STPG4: variants seen among roughly 807,000 people sequenced by gnomAD.
STPG4 encodes the protein protein STPG4.
In STPG4, 41 loss-of-function variants were observed where a neutral mutation model predicts 31.5. That is an observed-to-expected ratio of 1.30 (90% CI 1.01 to 1.69). STPG4 has a LOEUF of 1.69. Among genes scored for constraint, STPG4 ranks in the 40% most tolerant of loss-of-function variants. STPG4 has a pLI of 0.00. For synonymous variants in STPG4, 141 were observed against 103.0 expected (o/e 1.37, Z -2.24); for missense variants, 375 against 293.4 (o/e 1.28, Z -2.03).
At chr2:47,129,733 T>C in intron 5 of STPG4, 1 of 549,706 alleles carries the variant, frequency 1.8e-6, no homozygotes, top group Non-Finnish European at 3.1e-6. Context: ...CTTGATACAA[T>C]GTTAAAACCT....
intron 5 of STPG4, among the ~76,000 whole-genome samples, chr2:47,123,450 T>G (rs573539290): frequency 6.6e-6 from 1 of 152,232 alleles, no homozygotes; most frequent in Admixed American, 6.5e-5. Flanking sequence ...TACGTTCTAG[T>G]GAGGGGGAAA....
intron 5 of STPG4, chr2:47,108,565 C>A: frequency 5.8e-6 from 1 of 172,854 alleles, no homozygotes; most frequent in South Asian, 1.8e-4. Context: ...GACCAAGAAC[C>A]CACCAATTCC....
intron 3 of STPG4, among the ~76,000 whole-genome samples, chr2:47,148,034 C>T (rs1428774697): frequency 1.3e-5 from 2 of 151,842 alleles, no homozygotes; most frequent in South Asian, 2.1e-4. Flanking sequence ...TCACTGTACC[C>T]TCTACCTCCC....
chr2:47,090,107 C>G (rs1222078067), intron 6 of STPG4, among the ~76,000 whole-genome samples, 163 bp downstream of exon 6: 1 of 152,192 alleles, frequency 6.6e-6, no homozygotes, highest in Non-Finnish European at 1.5e-5. Context: ...GATTTCACTC[C>G]TGATTGCCTT....
chr2:47,087,579 C>A (rs999948188), intron 6 of STPG4, among the ~76,000 whole-genome samples: 6 of 152,182 alleles, frequency 3.9e-5, no homozygotes, highest in African/African-American at 1.4e-4. Context: ...CAAATCGCCT[C>A]TCAAACTCGG....
chr2:47,088,665 G>A (rs976443953), intron 6 of STPG4, among the ~76,000 whole-genome samples: 1 of 152,124 alleles, frequency 6.6e-6, no homozygotes, highest in African/African-American at 2.4e-5. Flanking sequence ...ACCCTGCCCT[G>A]CAGTTTCTTA....
At chr2:47,143,646 C>T (rs975606683) in intron 3 of STPG4, among the ~76,000 whole-genome samples, 5 of 152,038 alleles carry the variant, frequency 3.3e-5, no homozygotes, top group Non-Finnish European at 5.9e-5. Flanking sequence ...CCACCACGCC[C>T]GGCTAATTTT....
intron 5 of STPG4, among the ~76,000 whole-genome samples, chr2:47,104,856 C>G (rs1021756402): frequency 1.3e-5 from 2 of 151,964 alleles, no homozygotes; most frequent in African/African-American, 2.4e-5. Flanking sequence ...AATATCTAGG[C>G]CGAATCTTAG....
intron 6 of STPG4, among the ~76,000 whole-genome samples, chr2:47,087,779 C>T (rs1041639804): frequency 2.6e-5 from 4 of 152,094 alleles, no homozygotes; most frequent in Non-Finnish European, 4.4e-5. Context: ...GACAGAGTCT[C>T]GCCCTGTTGC....
At chr2:47,087,184 A>AG in intron 6 of STPG4, 54 bp from the exon 7 acceptor site, 1 of 1,544,216 alleles carries the variant, frequency 6.5e-7, no homozygotes, top group Non-Finnish European at 8.8e-7. Flanking sequence ...CAAAACCCTG[A>AG]GGCTCCTGTG....
chr2:47,127,736 T>G (rs930330560), intron 5 of STPG4, among the ~76,000 whole-genome samples: 1 of 152,238 alleles, frequency 6.6e-6, no homozygotes, highest in African/African-American at 2.4e-5. Flanking sequence ...GAATTCATTC[T>G]CTGTGTCATC....
At position 47,091,633 on chromosome 2, in the gene STPG4, G is replaced by T. The variant is rs144888220; in HGVS notation, c.520-1259C>A. On this transcript the variant is annotated intron_variant, in intron 5 of 6. Coordinates refer to ENST00000445927, the MANE Select transcript of STPG4 (RefSeq NM_001163561.2). Reference sequence around the variant, plus strand: ...ATGCAGGAGTTAGGGGAAGTGGGTGGGAGTATTAACCCAAAACACTGGCCT... The same window carrying T: ...ATGCAGGAGTTAGGGGAAGTGGGTGTGAGTATTAACCCAAAACACTGGCCT... Among the ~76,000 whole-genome samples the T allele has an allele frequency of 8.0e-3, 1,217 of 152,214 alleles. 12 individuals are homozygous for T. Among genetic ancestry groups the T allele is most frequent in the South Asian group, 0.032 (154 of 4,820 alleles).
At chr2:47,146,370 C>T (rs1454265144) in intron 3 of STPG4, among the ~76,000 whole-genome samples, 2 of 152,084 alleles carry the variant, frequency 1.3e-5, no homozygotes, top group African/African-American at 4.8e-5. Context: ...AAAGATTTAT[C>T]CTGCCCAAAA....
intron 5 of STPG4, among the ~76,000 whole-genome samples, chr2:47,091,491 G>A (rs778961533): frequency 8.6e-4 from 131 of 151,986 alleles, no homozygotes; most frequent in Non-Finnish European, 1.0e-3. Flanking sequence ...CTAGTAATTC[G>A]CTTTTTTCCC....
At position 47,092,551 on chromosome 2, in the gene STPG4, A is replaced by AAG. The variant is rs1464831971; in HGVS notation, c.520-2178_520-2177insCT. Among the ~76,000 whole-genome samples, 264 of 35,688 alleles carry AAG rather than the reference A, an allele frequency of 7.4e-3. 3 individuals carry two copies. The Middle Eastern group carries it at 0.083, about 11-fold the overall frequency. 23.4% of individuals were successfully genotyped at this position (35,688 alleles called of 152,430 possible). On this transcript the variant is annotated intron_variant, in intron 5 of 6. Coordinates refer to ENST00000445927, the MANE Select transcript of STPG4 (RefSeq NM_001163561.2). ...AAAGAAAAGGGGAGGGGAGGGAGAA[A>AAG]GGGAGGGGAGGGAGAAGGGGAGGGG...
chr2:47,138,113 C>T (rs1483372812), intron 3 of STPG4, among the ~76,000 whole-genome samples: 1 of 152,092 alleles, frequency 6.6e-6, no homozygotes, highest in Admixed American at 6.6e-5. Context: ...GCATTCAATA[C>T]TATAAATTTC....
chr2:47,106,408 G>A (rs1685912356), intron 5 of STPG4, among the ~76,000 whole-genome samples: 1 of 151,910 alleles, frequency 6.6e-6, no homozygotes, highest in Admixed American at 6.5e-5. Flanking sequence ...TATAGGGTTA[G>A]GAATGGCTGC....
intron 1 of STPG4, among the ~76,000 whole-genome samples, chr2:47,153,537 G>A (rs1686975978): frequency 6.6e-6 from 1 of 152,218 alleles, no homozygotes; most frequent in South Asian, 2.1e-4. Flanking sequence ...TGGATCTCTT[G>A]AGGCCAGGAG....
chr2:47,118,986 T>C (rs572164022), intron 5 of STPG4, among the ~76,000 whole-genome samples: 24 of 152,330 alleles, frequency 1.6e-4, no homozygotes, highest in Admixed American at 1.4e-3. Context: ...ACCAAATGAG[T>C]TTTCGTATAA....
Sources: allele counts gnomAD v4.1 joint callset (sites outside exome capture counted in the v4.1 genomes callset), GRCh38; gene constraint gnomAD v4.1.1; transcripts MANE v1.5; gene names NCBI Gene and HGNC (gene_info 2026-07-23, HGNC 2026-07-21).